The following GARNL3 variants were observed in gnomAD, a reference collection of about 807,000 sequenced individuals.
The protein encoded by GARNL3 is GTPase-activating Rap/Ran-GAP domain-like protein 3.
In GARNL3, 63 loss-of-function variants were observed where a neutral mutation model predicts 125.0. That is an observed-to-expected ratio of 0.50 (90% confidence interval 0.41 to 0.62). The LOEUF (loss-of-function observed/expected upper bound fraction) is 0.62, where lower values mean the gene tolerates loss of function less well. Ranked by LOEUF, GARNL3 falls within the 20% of genes least tolerant of loss-of-function variation. The pLI, the probability that GARNL3 is intolerant of heterozygous loss-of-function variation, is 0.00. For synonymous variants in GARNL3, 439 were observed against 457.5 expected, an observed-to-expected ratio of 0.96 and a Z score of 0.52; for missense variants, 994 against 1,244.0, an observed-to-expected ratio of 0.80 and a Z score of 3.02.
At chr9:127,374,766 G>T (rs531162336) in intron 22 of GARNL3, among the ~76,000 whole-genome samples, 83 of 152,028 alleles carry the variant, frequency 5.5e-4, no homozygotes, top group African/African-American at 2.0e-3. Context: ...AGCTATTAGG[G>T]CAATGCAAAT....
At chr9:127,349,151 TA>T in intron 17 of GARNL3, 116 bp downstream of exon 17, 1 of 727,628 alleles carries the variant, frequency 1.4e-6, no homozygotes, top group South Asian at 1.6e-5. Context: ...GCAGAGAGTT[TA>T]GCGAAGTTTT....
chr9:127,228,040 T>A (rs2062943997), intron 1 of GARNL3, among the ~76,000 whole-genome samples: 1 of 152,248 alleles, frequency 6.6e-6, no homozygotes, highest in Admixed American at 6.5e-5. Context: ...AACTAGCCTT[T>A]TTTCTTAACT....
At chr9:127,306,317 T>C (rs1346772528) in intron 2 of GARNL3, among the ~76,000 whole-genome samples, 1 of 152,216 alleles carries the variant, frequency 6.6e-6, no homozygotes, top group Non-Finnish European at 1.5e-5. Flanking sequence ...ATGTAGTGGC[T>C]CACGCCTGTA....
intron 12 of GARNL3, 23 bp downstream of exon 12, chr9:127,338,184 T>C: frequency 6.4e-7 from 1 of 1,561,184 alleles, no homozygotes; most frequent in Non-Finnish European, 8.8e-7. Flanking sequence ...TTTGTCTCGA[T>C]TGCTTGTCCT....
intron 6 of GARNL3, among the ~76,000 whole-genome samples, chr9:127,323,875 G>T (rs1178033409): frequency 6.6e-6 from 1 of 152,172 alleles, no homozygotes; most frequent in Non-Finnish European, 1.5e-5. Context: ...AGAGAATTTT[G>T]TAATGACATA....
intron 2 of GARNL3, among the ~76,000 whole-genome samples, chr9:127,249,173 C>T (rs2063356795): frequency 6.6e-6 from 1 of 152,022 alleles, no homozygotes; most frequent in Admixed American, 6.5e-5. Context: ...TAGAAGGCCT[C>T]TGTAGCAGTG....
intron 1 of GARNL3, among the ~76,000 whole-genome samples, chr9:127,285,637 C>T (rs2064229428): frequency 6.6e-6 from 1 of 152,018 alleles, no homozygotes; most frequent in Non-Finnish European, 1.5e-5. Flanking sequence ...ATTTTATAAA[C>T]TCTTCTTTCT....
chr9:127,342,954 A>G (rs983022879), intron 14 of GARNL3, among the ~76,000 whole-genome samples: 11 of 134,056 alleles, frequency 8.2e-5, no homozygotes, highest in Non-Finnish European at 1.5e-4. Flanking sequence ...CTGGAGTGCC[A>G]TGGCATGATC....
rs148631124 is a variant in GARNL3, at chr9:127,384,552, G to GCTCAGA, written c.2270-473_2270-468dup. On this transcript the variant is annotated intron_variant, in intron 23 of 27. Transcript: ENST00000373387. The surrounding 1 kb of genome is among the most constrained non-coding windows in gnomAD (Gnocchi z 4.0). ...CAGTGAGGAATAAGATGCAGCCCCG[G>GCTCAGA]CTCAGACGTGCAGCTGGAGGAGCAC... is the stretch of plus-strand genomic sequence containing the variant. Among the ~76,000 whole-genome samples the GCTCAGA allele has an allele frequency of 5.6e-3, 854 of 152,312 alleles. 5 individuals carry two copies. Among genetic ancestry groups the GCTCAGA allele is most frequent in the African/African-American group, 0.019 (803 of 41,568 alleles).
chr9:127,337,177 C>G (rs571471636), intron 11 of GARNL3, among the ~76,000 whole-genome samples: 259 of 152,202 alleles, frequency 1.7e-3, no homozygotes, highest in African/African-American at 6.1e-3. Flanking sequence ...CCCTTTTCAT[C>G]CCTGCTTTCT....
intron 27 of GARNL3, 135 bp downstream of exon 27, chr9:127,390,902 C>A: frequency 1.2e-6 from 1 of 867,164 alleles, no homozygotes; most frequent in East Asian, 2.6e-5. Flanking sequence ...CAGCCTGTTC[C>A]TCTCTGAGGG....
intron 1 of GARNL3, among the ~76,000 whole-genome samples, chr9:127,231,172 A>G (rs971411042): frequency 2.8e-5 from 4 of 143,336 alleles, no homozygotes; most frequent in Non-Finnish European, 6.0e-5. Context: ...CTCCTGCCTC[A>G]GCTTCCCTAG....
rs1006869290 is a variant in GARNL3, at chr9:127,385,375, G to A, written c.2388+230G>A. On this transcript the variant is annotated intron_variant, in intron 24 of 27. Transcript: ENST00000373387. The surrounding 1 kb of genome is among the most constrained non-coding windows in gnomAD (Gnocchi z 4.1). ...GCTTTGTTAATAGTCATTAACTGGT[G>A]CTGGTGGCAGCTGGGGAGCACTTAG... Among the ~76,000 whole-genome samples the A allele has an allele frequency of 6.6e-6, 1 of 152,156 alleles. No individual in the cohort carries two copies. The highest frequency in any genetic ancestry group is 2.4e-5 in the African/African-American group (1 of 41,420).
chr9:127,299,242 G>A (rs987442215), intron 2 of GARNL3, among the ~76,000 whole-genome samples: 1 of 149,942 alleles, frequency 6.7e-6, no homozygotes, highest in Non-Finnish European at 1.5e-5. Flanking sequence ...GCATGAACCC[G>A]GGAGGTGGAG....
At chr9:127,389,971 C>T (rs1207296288) in intron 26 of GARNL3, among the ~76,000 whole-genome samples, 1 of 97,758 alleles carries the variant, frequency 1.0e-5, no homozygotes, top group Non-Finnish European at 2.2e-5. Context: ...ATCAGAGAAA[C>T]ATAAAGCCCC....
intron 2 of GARNL3, among the ~76,000 whole-genome samples, chr9:127,295,496 A>C (rs977312709): frequency 3.9e-5 from 6 of 152,080 alleles, no homozygotes; most frequent in African/African-American, 1.4e-4. Context: ...GTGTCCTACA[A>C]TTCAATTCTC....
In GARNL3 at chr9:127,345,406, C is replaced by G. The variant is rs1334298681; in HGVS notation, c.1360C>G (p.Leu454Val). Residue 454 changes from leucine (L) to valine (V), a missense_variant, in exon 16 of 28, where the codon CTA becomes GTA. Around this residue, in one of 5 missense-constraint regions of GARNL3, gnomAD observed 728 missense variants for 865.7 expected, o/e 0.84. Transcript: ENST00000373387. ...ATAGAGATCTCTGTTCTGTAAGGCA[C>G]TAAAACTGAAATCCATTGTGAGAGG... ...QAEFVRIGQA[L>V]KLKSIVRGDA... is the part of the protein sequence containing the mutation. 1.2e-6 allele frequency: 2 copies of G among 1,602,368 alleles called. No individual in the cohort carries two copies. Among genetic ancestry groups the G allele is most frequent in the Non-Finnish European group, 1.7e-6 (2 of 1,173,426 alleles).
At position 127,388,970 on chromosome 9, in the gene GARNL3, G is replaced by T; in HGVS notation, c.2594G>T (p.Arg865Leu). The T allele has an allele frequency of 6.2e-7, 1 of 1,613,688 alleles. No homozygotes were observed. The highest frequency in any genetic ancestry group is 8.5e-7 in the Non-Finnish European group (1 of 1,179,594). Residue 865 changes from arginine to leucine, a missense_variant, in exon 26 of 28, where the codon CGA becomes CTA. Around this residue, in one of 5 missense-constraint regions of GARNL3, gnomAD observed 728 missense variants for 865.7 expected, o/e 0.84. Coordinates refer to ENST00000373387, the MANE Select transcript of GARNL3 (RefSeq NM_032293.5). ...AACCTCGTGGGCAGAAGCATCGAAC[G>T]ACCTCTGAAGTCACCCTTAGTCTCC... is the stretch of plus-strand genomic sequence containing the variant. ...LRNLVGRSIE[R>L]PLKSPLVSKV...
At chr9:127,371,927 CAT>C (rs1373798150) in intron 22 of GARNL3, among the ~76,000 whole-genome samples, 2 of 152,124 alleles carry the variant, frequency 1.3e-5, no homozygotes, top group Admixed American at 6.5e-5. Flanking sequence ...ATTGGATAGA[CAT>C]GTGCAAAAAA....
Sources: gnomAD v4.1 joint callset for allele counts (sites outside exome capture counted in the v4.1 genomes callset) on GRCh38, gnomAD v4.1.1 for gene constraint, gnomAD v4.1.1 regional missense constraint, Gnocchi (gnomAD v3.1) non-coding constraint, MANE v1.5 for transcripts, NCBI Gene and HGNC (gene_info 2026-07-23, HGNC 2026-07-21) for gene names.